CATSPERD: variants seen among roughly 807,000 people sequenced by gnomAD.
CATSPERD encodes catsper channel auxiliary subunit delta.
CATSPERD carries 86 observed loss-of-function variants against 98.1 expected under a neutral mutation model. That is an observed-to-expected ratio of 0.88 (90% confidence interval 0.74 to 1.05). CATSPERD has a LOEUF of 1.05. Ranked by LOEUF, CATSPERD falls within the 50% of genes least tolerant of loss-of-function variation. The pLI, the probability that CATSPERD is intolerant of heterozygous loss-of-function variation, is 0.00. For missense variants in CATSPERD, 995 were observed against 1,005.7 expected, an observed-to-expected ratio of 0.99 and a Z score of 0.14; for synonymous variants, 394 against 390.2, an observed-to-expected ratio of 1.01 and a Z score of -0.12.
At chr19:5,778,238 G>T in intron 21 of CATSPERD, 138 bp from the exon 22 acceptor site, 1 of 651,486 alleles carries the variant, frequency 1.5e-6, no homozygotes, top group East Asian at 3.0e-5. Flanking sequence ...ATAGTGGATG[G>T]AAACAGAAGT....
chr19:5,733,858 C>T lies in CATSPERD; in HGVS notation c.279C>T (p.Val93=), dbSNP rs764186118. 8 of 1,603,920 alleles carry T rather than the reference C, an allele frequency of 5.0e-6. No individual in the cohort carries two copies. Among genetic ancestry groups the T allele is most frequent in the East Asian group, 2.2e-5 (1 of 44,818 alleles). ...LPFTIPTSMQ[V]GVPEVTSAHF... is the part of the protein sequence containing the mutation. ...ATCATCCATATGATAACTTTTAGGTCGGCGTACCAGAAGTGACATCAGCAC... is the reference window on the plus strand; with the variant it reads ...ATCATCCATATGATAACTTTTAGGTTGGCGTACCAGAAGTGACATCAGCAC... The change falls in exon 5 of 22, where the codon GTC becomes GTT. Residue 93 remains valine, a splice_region_variant and synonymous_variant. Transcript: ENST00000381624.
At chr19:5,734,154 C>G (rs1055644975) in intron 5 of CATSPERD, among the ~76,000 whole-genome samples, 184 bp downstream of exon 5, 3 of 152,128 alleles carry the variant, frequency 2.0e-5, no homozygotes, top group African/African-American at 7.2e-5. Context: ...ACCTAGTGTT[C>G]CCATCATGGA....
chr19:5,771,537 C>A (rs778057443), intron 19 of CATSPERD, among the ~76,000 whole-genome samples: 23 of 151,780 alleles, frequency 1.5e-4, no homozygotes, highest in Non-Finnish European at 2.8e-4. Flanking sequence ...TGCGCCCGGC[C>A]GATGGGCTTT....
chr19:5,770,873 C>T (rs745616727), intron 18 of CATSPERD, 71 bp from the exon 19 acceptor site: 132 of 1,519,734 alleles, frequency 8.7e-5, no homozygotes, highest in East Asian at 1.1e-4. Flanking sequence ...AAAGAAACTG[C>T]GGCTGTGAAG....
intron 11 of CATSPERD, 116 bp from the exon 12 acceptor site, chr19:5,751,531 C>CAAAAAAAAAAAA (rs57266365): frequency 1.9e-5 from 3 of 155,742 alleles, no homozygotes; most frequent in African/African-American, 1.8e-4. Flanking sequence ...GAGACTCCAT[C>CAAAAAAAAAAAA]AAAAAAAAAA....
intron 7 of CATSPERD, among the ~76,000 whole-genome samples, chr19:5,743,917 A>G (rs972934865): frequency 1.3e-5 from 2 of 152,084 alleles, no homozygotes; most frequent in Non-Finnish European, 2.9e-5. Context: ...GGGTCATATC[A>G]TTTTCTCCAA....
chr19:5,775,330 A>G, intron 20 of CATSPERD: 1 of 468,898 alleles, frequency 2.1e-6, no homozygotes, highest in South Asian at 1.6e-5. Context: ...AGACCTGCGT[A>G]TTTATTGAGT....
At chr19:5,752,044 G>C (rs1207239941) in intron 12 of CATSPERD, among the ~76,000 whole-genome samples, 1 of 151,878 alleles carries the variant, frequency 6.6e-6, no homozygotes, top group Admixed American at 6.6e-5. Flanking sequence ...GGTACGGTGG[G>C]AGACTTTGGA....
Position 5,720,685 on chromosome 19 carries a change from A to C in CATSPERD, c.-53A>C, listed in dbSNP as rs1441566968. 1 of 1,557,140 alleles carries C rather than the reference A, an allele frequency of 6.4e-7. No homozygotes were observed. The highest frequency in any genetic ancestry group is 1.4e-5 in the African/African-American group (1 of 73,982). ...CAGCCTGCACGTACTCGGATTGTGC[A>C]GCGACTCCCCGTGGCGGTTGAGGGG... is the stretch of plus-strand genomic sequence containing the variant. On this transcript the variant is annotated 5_prime_UTR_variant, in exon 1 of 22. Coordinates refer to ENST00000381624, the MANE Select transcript of CATSPERD (RefSeq NM_152784.4).
intron 18 of CATSPERD, among the ~76,000 whole-genome samples, chr19:5,769,334 GA>G (rs2056604031): frequency 6.6e-6 from 1 of 151,452 alleles, no homozygotes; most frequent in Admixed American, 6.6e-5. Context: ...GGGATGGGGG[GA>G]GGAGGTGCCA....
chr19:5,752,847 G>A (rs762132512), intron 12 of CATSPERD, among the ~76,000 whole-genome samples: 2 of 151,840 alleles, frequency 1.3e-5, no homozygotes, highest in Middle Eastern at 3.2e-3. Context: ...GGCCAACATG[G>A]CGAAACCCCG....
At position 5,750,275 on chromosome 19, in the gene CATSPERD, C is replaced by G. The variant is rs565651235; in HGVS notation, c.987+1092C>G. 4.3e-3 allele frequency among the ~76,000 whole-genome samples: 635 copies of G among 147,392 alleles called. 5 individuals are homozygous for G. The highest frequency in any genetic ancestry group is 0.014 in the African/African-American group (573 of 40,234). ...CATCCTGGCTAACACGGTGAAACCC[C>G]GTCTCTACTAAAAAAAATACGAAAA... On this transcript the variant is annotated intron_variant, in intron 11 of 21. Transcript: ENST00000381624.
At chr19:5,722,595 CT>C (rs563233507) in intron 1 of CATSPERD, among the ~76,000 whole-genome samples, 1 of 152,082 alleles carries the variant, frequency 6.6e-6, no homozygotes, top group Non-Finnish European at 1.5e-5. Context: ...CCCACACAGG[CT>C]CTCAAAGAAT....
At position 5,742,419 on chromosome 19, in the gene CATSPERD, C is replaced by T. The variant is rs185530774; in HGVS notation, c.574-2008C>T. Among the ~76,000 whole-genome samples the T allele has an allele frequency of 2.5e-3, 374 of 152,186 alleles. 1 individual carries two copies. The highest frequency in any genetic ancestry group is 8.6e-3 in the African/African-American group (358 of 41,540). The stretch of plus-strand genomic sequence containing the variant: ...CGGACATTTCAAGAGGAGAGGTTAC[C>T]GCAGAGAATAGTTGAGCTCTCAGCA... On this transcript the variant is annotated intron_variant, in intron 7 of 21. Coordinates refer to ENST00000381624, the MANE Select transcript of CATSPERD (RefSeq NM_152784.4).
rs992477102 is a variant in CATSPERD, at chr19:5,768,111, A to T, written c.1560-57A>T. On this transcript the variant is annotated intron_variant, in intron 17 of 21. Transcript: ENST00000381624. ...GCCCCTCCCTTTCTGTCCCATCCAT[A>T]ATGGTTTGGTTCTTTGTGAGGTCAT... 1.9e-5 allele frequency: 28 copies of T among 1,495,080 alleles called. No individual in the cohort carries two copies. The East Asian group carries it at 6.4e-4, about 34-fold the overall frequency. The allele number at this position is 1,495,080 out of a possible 1,614,324, so 92.6% of individuals were successfully genotyped here.
Position 5,720,667 on chromosome 19 carries a change from C to T in CATSPERD, c.-71C>T. 1.4e-6 allele frequency: 2 copies of T among 1,464,882 alleles called. No individual in the cohort carries two copies. The highest frequency in any genetic ancestry group is 1.9e-6 in the Non-Finnish European group (2 of 1,066,778). 90.7% of individuals were successfully genotyped at this position (1,464,882 alleles called of 1,614,324 possible). On this transcript the variant is annotated 5_prime_UTR_variant, in exon 1 of 22. Coordinates refer to ENST00000381624, the MANE Select transcript of CATSPERD (RefSeq NM_152784.4). Reference sequence around the variant, plus strand: ...TGCGCATGCGCAGGGCTTCAGCCTGCACGTACTCGGATTGTGCAGCGACTC... The same window carrying T: ...TGCGCATGCGCAGGGCTTCAGCCTGTACGTACTCGGATTGTGCAGCGACTC...
At chr19:5,739,168 A>T (rs547733066) in intron 6 of CATSPERD, among the ~76,000 whole-genome samples, 158 bp from the exon 7 acceptor site, 1 of 152,272 alleles carries the variant, frequency 6.6e-6, no homozygotes, top group East Asian at 1.9e-4. Flanking sequence ...CCTGGCGTGT[A>T]TCCACTTTTT....
intron 6 of CATSPERD, among the ~76,000 whole-genome samples, chr19:5,738,743 C>G (rs2055897966): frequency 6.6e-6 from 1 of 152,116 alleles, no homozygotes; most frequent in South Asian, 2.1e-4. Context: ...AGCACCACGC[C>G]TGGCTAATTT....
intron 16 of CATSPERD, 58 bp from the exon 17 acceptor site, chr19:5,766,045 C>A: frequency 7.2e-7 from 1 of 1,386,824 alleles, no homozygotes; most frequent in Non-Finnish European, 1.0e-6. Flanking sequence ...ATAGGGTTCA[C>A]TGTGTCCGGG....
Sources: gnomAD v4.1 joint callset for allele counts (sites outside exome capture counted in the v4.1 genomes callset) on GRCh38, gnomAD v4.1.1 for gene constraint, MANE v1.5 for transcripts, NCBI Gene and HGNC (gene_info 2026-07-23, HGNC 2026-07-21) for gene names.